PDE10A: variants seen among roughly 807,000 people sequenced by gnomAD.
PDE10A encodes the protein phosphodiesterase 10A.
In PDE10A, 39 loss-of-function variants were observed where a neutral mutation model predicts 97.7. The observed-to-expected ratio is 0.40, with a 90% CI of 0.31 to 0.52. The LOEUF (loss-of-function observed/expected upper bound fraction) is 0.52. Among genes scored for constraint, PDE10A ranks in the 20% least tolerant of loss-of-function variants. The pLI is 0.56. For missense variants in PDE10A, 731 were observed against 1,047.8 expected (o/e 0.70, Z 4.17); for synonymous variants, 371 against 376.8 (o/e 0.98, Z 0.18).
chr6:165,881,411 T>C (rs1328408105), intron 1 of PDE10A, among the ~76,000 whole-genome samples: 1 of 98,690 alleles, frequency 1.0e-5, no homozygotes, highest in African/African-American at 4.1e-5. Context: ...TTTTTTTTTT[T>C]TTTGAGATGG....
At chr6:165,704,121 A>G (rs956777853) in intron 1 of PDE10A, among the ~76,000 whole-genome samples, 14 of 152,222 alleles carry the variant, frequency 9.2e-5, no homozygotes, top group African/African-American at 3.1e-4. Flanking sequence ...GAAACTCTGT[A>G]TACGTTTGGG....
intron 1 of PDE10A, among the ~76,000 whole-genome samples, chr6:165,712,933 C>T (rs185469923): frequency 6.0e-4 from 91 of 152,318 alleles, no homozygotes; most frequent in African/African-American, 2.1e-3. Context: ...AGCCACCGCA[C>T]CCGGCCCGTT....
chr6:165,643,563 C>T (rs1013715066), intron 1 of PDE10A, among the ~76,000 whole-genome samples: 6 of 151,992 alleles, frequency 3.9e-5, no homozygotes, highest in Admixed American at 6.6e-5. Context: ...GAAAGTCAGT[C>T]GTGAAAACAG....
At chr6:165,853,216 G>T (rs1780622001) in intron 1 of PDE10A, among the ~76,000 whole-genome samples, 1 of 152,142 alleles carries the variant, frequency 6.6e-6, no homozygotes, top group African/African-American at 2.4e-5. Context: ...AGGTTCTCAT[G>T]GTTGCTTTTC....
intron 1 of PDE10A, among the ~76,000 whole-genome samples, chr6:165,830,666 T>C (rs1411923798): frequency 6.6e-6 from 1 of 152,190 alleles, no homozygotes; most frequent in Non-Finnish European, 1.5e-5. Context: ...GTTTATGTCT[T>C]GTCCTTCCAT....
At chr6:165,636,201 C>A (rs1382327707) in intron 1 of PDE10A, among the ~76,000 whole-genome samples, 4 of 152,084 alleles carry the variant, frequency 2.6e-5, no homozygotes, top group Admixed American at 2.6e-4. Context: ...TTAGGGTAAA[C>A]CCTGGGAAGT....
At chr6:165,583,866 T>C (rs950750523) in intron 1 of PDE10A, among the ~76,000 whole-genome samples, 7 of 152,188 alleles carry the variant, frequency 4.6e-5, no homozygotes, top group Admixed American at 1.3e-4. Context: ...GGTGATTTAC[T>C]ACTAAAATGT....
intron 1 of PDE10A, among the ~76,000 whole-genome samples, chr6:165,987,350 A>G (rs1417533835): frequency 1.3e-5 from 2 of 151,952 alleles, no homozygotes; most frequent in African/African-American, 2.4e-5. Context: ...TTTCCCCCAA[A>G]CAGTCACCTC....
chr6:165,670,591 A>G (rs943507912), intron 1 of PDE10A, among the ~76,000 whole-genome samples: 4 of 152,196 alleles, frequency 2.6e-5, no homozygotes, highest in Admixed American at 6.5e-5. Flanking sequence ...AATTACTGTA[A>G]TTTTTATCTG....
chr6:165,880,912 A>T (rs1407262597), intron 1 of PDE10A, among the ~76,000 whole-genome samples: 1 of 152,174 alleles, frequency 6.6e-6, no homozygotes, highest in African/African-American at 2.4e-5. Flanking sequence ...TTCGAGGGAA[A>T]TTTCATCCAT....
At chr6:165,652,674 C>CTA (rs1424466147) in intron 1 of PDE10A, among the ~76,000 whole-genome samples, 1 of 152,158 alleles carries the variant, frequency 6.6e-6, no homozygotes, top group Non-Finnish European at 1.5e-5. Context: ...CTGTTAGTCT[C>CTA]TTTTTTTCCA....
intron 2 of PDE10A, among the ~76,000 whole-genome samples, chr6:165,533,889 C>T (rs949151847): frequency 4.6e-5 from 7 of 152,036 alleles, no homozygotes; most frequent in East Asian, 1.9e-4. Flanking sequence ...TAACATTATT[C>T]GTGATAATAT....
chr6:165,567,997 T>C (rs1483390234), intron 1 of PDE10A, among the ~76,000 whole-genome samples: 2 of 138,178 alleles, frequency 1.4e-5, no homozygotes, highest in Admixed American at 7.2e-5. Flanking sequence ...ACAAGGCATT[T>C]TTTTTTTTTT....
In PDE10A at chr6:165,396,317, A is replaced by G. The variant is rs1786156431; in HGVS notation, c.2219T>C (p.Leu740Ser). 1 of 1,611,740 alleles carries G rather than the reference A, an allele frequency of 6.2e-7. No individual in the cohort carries two copies. The highest frequency in any genetic ancestry group is 2.2e-5 in the East Asian group (1 of 44,834). Residue 740 changes from leucine (L) to serine (S), a missense_variant and splice_region_variant, in exon 14 of 22, where the codon TTA becomes TCA. Physicochemically the swap from Leu to Ser is moderately radical, Grantham distance 145. Coordinates refer to ENST00000539869, the MANE Select transcript of PDE10A (RefSeq NM_001385079.1). ...GAAACTGACAGAGCAACATACTTAC[A>G]ATTCAATTTCTTTGCAGAGACGCAC... ...LPVRLCKEIE[L>S]FHFDIGPFEN...
intron 2 of PDE10A, among the ~76,000 whole-genome samples, chr6:165,498,913 A>T (rs1034611960): frequency 6.6e-6 from 1 of 152,212 alleles, no homozygotes. Flanking sequence ...TTAAAATAGC[A>T]GCTCTATTAT....
intron 1 of PDE10A, among the ~76,000 whole-genome samples, chr6:165,943,279 GAAAGAAA>G (rs1783629356): frequency 8.1e-6 from 1 of 123,812 alleles, no homozygotes; most frequent in African/African-American, 3.5e-5. Flanking sequence ...AGGAAGGAAA[GAAAGAAA>G]GAAAGAAGGA....
chr6:165,510,843 T>C lies in PDE10A; in HGVS notation c.995-28500A>G, dbSNP rs545897065. 3.3e-5 allele frequency among the ~76,000 whole-genome samples: 5 copies of C among 152,142 alleles called. No individual in the cohort carries two copies. In the South Asian group the frequency reaches 1.0e-3, roughly 32 times the overall value. Reference sequence around the variant, plus strand: ...TGTGCATAACAGTTTATGATGATCTTTTGTATTTCTGTGGTATCAGTTGGT... The same window carrying C: ...TGTGCATAACAGTTTATGATGATCTCTTGTATTTCTGTGGTATCAGTTGGT... On this transcript the variant is annotated intron_variant, in intron 2 of 21. Coordinates refer to ENST00000539869, the MANE Select transcript of PDE10A (RefSeq NM_001385079.1).
At chr6:165,760,925 G>A (rs569699172) in intron 1 of PDE10A, among the ~76,000 whole-genome samples, 7 of 152,264 alleles carry the variant, frequency 4.6e-5, no homozygotes, top group African/African-American at 1.4e-4. Flanking sequence ...CTAGGAGAGA[G>A]GACTGAAAGT....
intron 2 of PDE10A, among the ~76,000 whole-genome samples, chr6:165,504,602 T>G (rs1781084783): frequency 6.6e-6 from 1 of 152,166 alleles, no homozygotes; most frequent in South Asian, 2.1e-4. Flanking sequence ...CACTGTGATT[T>G]GAATTTTGCA....
Sources: gnomAD v4.1 joint callset for allele counts (sites outside exome capture counted in the v4.1 genomes callset) on GRCh38, gnomAD v4.1.1 for gene constraint, MANE v1.5 for transcripts, NCBI Gene and HGNC (gene_info 2026-07-23, HGNC 2026-07-21) for gene names.